Variants in TMEM68 observed in about 807,000 individuals in gnomAD.
The protein encoded by TMEM68 is DGAT1/2-independent enzyme synthesizing storage lipids.
In TMEM68, 25 loss-of-function variants were observed where a neutral mutation model predicts 36.9. That is an observed-to-expected ratio of 0.68 (90% confidence interval 0.49 to 0.95). The LOEUF (loss-of-function observed/expected upper bound fraction) is 0.95, where lower values mean the gene tolerates loss of function less well. Among genes scored for constraint, TMEM68 ranks in the 40% least tolerant of loss-of-function variants. The pLI is 0.00. For missense variants in TMEM68, 333 were observed against 392.0 expected (o/e 0.85, Z 1.27); for synonymous variants, 131 against 124.4 (o/e 1.05, Z -0.35).
At chr8:55,759,096 A>G (rs1413052691) in intron 3 of TMEM68, among the ~76,000 whole-genome samples, 1 of 149,350 alleles carries the variant, frequency 6.7e-6, no homozygotes, top group African/African-American at 2.6e-5. Context: ...TAAATTTAAA[A>G]ATGAGTCATA....
At chr8:55,771,441 A>AAC (rs10612593) in intron 1 of TMEM68, among the ~76,000 whole-genome samples, 1,814 of 149,440 alleles carry the variant, frequency 0.012, 41 homozygotes, top group African/African-American at 0.04. Flanking sequence ...GTCTCTACAA[A>AAC]ACACACACAC....
intron 1 of TMEM68, among the ~76,000 whole-genome samples, chr8:55,771,707 C>G (rs578153000): frequency 6.6e-6 from 1 of 152,294 alleles, no homozygotes; most frequent in African/African-American, 2.4e-5. Flanking sequence ...ATATAAGTCA[C>G]ATTGAGAACA....
At chr8:55,755,591 C>CTT (rs10537043) in intron 4 of TMEM68, among the ~76,000 whole-genome samples, 14 of 148,578 alleles carry the variant, frequency 9.4e-5, no homozygotes, top group Non-Finnish European at 1.6e-4. Context: ...TATATCATGA[C>CTT]TTTTTTTTTT....
chr8:55,762,551 C>T lies in TMEM68; in HGVS notation c.325+84G>A, dbSNP rs753206421. 36 of 1,587,948 alleles carry T rather than the reference C, an allele frequency of 2.3e-5. No homozygotes were observed. In the South Asian group the frequency reaches 3.9e-4, roughly 17 times the overall value. ...CTTCTATTATATTTTTCAGTATCTT[C>T]TCAATCAATAAAATGGAATGGTAAC... On this transcript the variant is annotated intron_variant, in intron 3 of 7. Transcript: ENST00000434581.
intron 4 of TMEM68, among the ~76,000 whole-genome samples, chr8:55,754,536 T>A (rs1028247391): frequency 1.6e-4 from 22 of 138,310 alleles, no homozygotes; most frequent in Non-Finnish European, 2.0e-4. Context: ...TACATATACT[T>A]ATATTATATA....
At chr8:55,769,566 C>T (rs1471657589) in intron 1 of TMEM68, among the ~76,000 whole-genome samples, 2 of 152,048 alleles carry the variant, frequency 1.3e-5, no homozygotes, top group East Asian at 1.9e-4. Flanking sequence ...ACGAAAAACA[C>T]TTACTTTCTG....
At chr8:55,771,585 A>G (rs1811169857) in intron 1 of TMEM68, among the ~76,000 whole-genome samples, 1 of 152,086 alleles carries the variant, frequency 6.6e-6, no homozygotes, top group South Asian at 2.1e-4. Context: ...CCACTACACT[A>G]CAGCCTGGGT....
intron 1 of TMEM68, among the ~76,000 whole-genome samples, chr8:55,764,967 G>A (rs1490319582): frequency 4.6e-5 from 7 of 152,280 alleles, no homozygotes; most frequent in African/African-American, 1.7e-4. Context: ...AGCTACTCGG[G>A]AGGCTGAGGC....
At chr8:55,743,707 A>C (rs1810175516) in intron 6 of TMEM68, 87 bp from the exon 7 acceptor site, 6 of 1,264,708 alleles carry the variant, frequency 4.7e-6, no homozygotes, top group Non-Finnish European at 6.3e-6. Flanking sequence ...TGTAGGACTT[A>C]CAGGAAGGTG....
chr8:55,745,196 C>T (rs1810234129), intron 5 of TMEM68, 75 bp from the exon 6 acceptor site: 1 of 978,784 alleles, frequency 1.0e-6, no homozygotes, highest in Non-Finnish European at 1.4e-6. Context: ...GTAACTAATG[C>T]AAACTTTTTT....
At chr8:55,764,176 C>T (rs1216722497) in intron 1 of TMEM68, among the ~76,000 whole-genome samples, 196 bp from the exon 2 acceptor site, 1 of 152,164 alleles carries the variant, frequency 6.6e-6, no homozygotes, top group Non-Finnish European at 1.5e-5. Context: ...TTGGTGAAGA[C>T]AACTCTACAC....
chr8:55,753,760 A>C (rs1810486426), intron 4 of TMEM68, among the ~76,000 whole-genome samples: 1 of 151,886 alleles, frequency 6.6e-6, no homozygotes, highest in African/African-American at 2.4e-5. Flanking sequence ...TTTTTGAAAA[A>C]CTCTAAACCA....
At chr8:55,751,865 T>C (rs1585714808) in intron 4 of TMEM68, among the ~76,000 whole-genome samples, 2 of 152,204 alleles carry the variant, frequency 1.3e-5, no homozygotes, top group Admixed American at 6.6e-5. Flanking sequence ...GATGTTAGTA[T>C]ACATTATTCC....
chr8:55,754,625 T>C (rs949124162), intron 4 of TMEM68, among the ~76,000 whole-genome samples: 8 of 132,374 alleles, frequency 6.0e-5, no homozygotes, highest in Admixed American at 4.3e-4. Context: ...ATATATAAAA[T>C]ACATACATTA....
At chr8:55,753,094 A>C (rs1285113312) in intron 4 of TMEM68, among the ~76,000 whole-genome samples, 1 of 152,100 alleles carries the variant, frequency 6.6e-6, no homozygotes, top group Non-Finnish European at 1.5e-5. Flanking sequence ...AGAAAGACTT[A>C]AGGTCTTAGT....
intron 4 of TMEM68, among the ~76,000 whole-genome samples, chr8:55,753,064 T>C (rs1026458633): frequency 1.3e-5 from 2 of 152,080 alleles, no homozygotes; most frequent in Non-Finnish European, 2.9e-5. Context: ...TTATAATGAT[T>C]TTATTCCTTC....
At chr8:55,748,161 A>G (rs1379603424) in intron 5 of TMEM68, 1 of 152,160 alleles carries the variant, frequency 6.6e-6, no homozygotes, top group Non-Finnish European at 1.5e-5. Context: ...ATCTTGCAAT[A>G]TAATTATTAA....
rs1464641561 is a variant in TMEM68 at position 55,762,862 on chromosome 8, T to C, written c.98A>G (p.Gln33Arg). 6.2e-7 allele frequency: 1 copy of C among 1,614,194 alleles called. No individual in the cohort carries two copies. The highest frequency in any genetic ancestry group is 1.6e-4 in the Middle Eastern group (1 of 6,062). ...TGCAAAATTCAAATAGTCCTCCAAC[T>C]GCTCCACACCAAACCATTCTTCGAG... The part of the protein sequence containing the change: ...HILEEWFGVE[Q>R]LEDYLNFANY... The change falls in exon 3 of 8, where the codon CAG becomes CGG. Residue 33 changes from glutamine (Q) to arginine (R), a missense_variant. Transcript: ENST00000434581.
chr8:55,766,499 C>G (rs1810967238), intron 1 of TMEM68, among the ~76,000 whole-genome samples: 1 of 151,646 alleles, frequency 6.6e-6, no homozygotes, highest in Non-Finnish European at 1.5e-5. Context: ...GCCTCAGCCT[C>G]CCGAGTAGTT....
Sources: gnomAD v4.1 joint callset for allele counts (sites outside exome capture counted in the v4.1 genomes callset) on GRCh38, gnomAD v4.1.1 for gene constraint, MANE v1.5 for transcripts, NCBI Gene and HGNC (gene_info 2026-07-23, HGNC 2026-07-21) for gene names.